Variants in EML1 observed in about 807,000 individuals in gnomAD.
The protein encoded by EML1 is EMAP like 1.
EML1 carries 27 observed loss-of-function variants against 110.4 expected under a neutral mutation model. The ratio of observed to expected loss-of-function variants is 0.24; its 90% confidence interval spans 0.18 to 0.34. The LOEUF (loss-of-function observed/expected upper bound fraction) is 0.34, where lower values mean the gene tolerates loss of function less well. Ranked by LOEUF, EML1 falls within the 10% of genes least tolerant of loss-of-function variation. The pLI, the probability that EML1 is intolerant of heterozygous loss-of-function variation, is 1.00. For synonymous variants in EML1, 344 were observed against 385.8 expected, an observed-to-expected ratio of 0.89 and a Z score of 1.27; for missense variants, 741 against 1,030.9, an observed-to-expected ratio of 0.72 and a Z score of 3.85.
chr14:99,833,013 T>C (rs1308227712), intron 1 of EML1, among the ~76,000 whole-genome samples: 1 of 152,226 alleles, frequency 6.6e-6, no homozygotes, highest in African/African-American at 2.4e-5. Flanking sequence ...GTGAGCATAG[T>C]ACTCAATAAG....
chr14:99,785,558 C>G (rs1566863241), intron 1 of EML1, among the ~76,000 whole-genome samples: 1 of 152,098 alleles, frequency 6.6e-6, no homozygotes, highest in Non-Finnish European at 1.5e-5. Flanking sequence ...GATAAAAGGT[C>G]ATAAGTTTCC....
chr14:99,840,387 C>T (rs1475723432), intron 1 of EML1, among the ~76,000 whole-genome samples: 1 of 152,238 alleles, frequency 6.6e-6, no homozygotes, highest in African/African-American at 2.4e-5. Flanking sequence ...ACAGCTCACC[C>T]TCGGCTGGCC....
At chr14:99,904,086 G>A (rs2059804972) in intron 9 of EML1, among the ~76,000 whole-genome samples, 1 of 151,994 alleles carries the variant, frequency 6.6e-6, no homozygotes, top group African/African-American at 2.4e-5. Context: ...CCTGGCCAAT[G>A]TATTCAATTT....
At chr14:99,840,590 T>G (rs1236087517) in intron 1 of EML1, among the ~76,000 whole-genome samples, 1 of 152,244 alleles carries the variant, frequency 6.6e-6, no homozygotes, top group African/African-American at 2.4e-5. Context: ...TATTATTGTT[T>G]TGGTGCTATC....
At chr14:99,770,282 C>T (rs1798314638), upstream of EML1, among the ~76,000 whole-genome samples, 1 of 152,158 alleles carries the variant, frequency 6.6e-6, no homozygotes, top group Non-Finnish European at 1.5e-5. Flanking sequence ...GGGCTGTCTT[C>T]CTGGTTCACA....
intron 15 of EML1, among the ~76,000 whole-genome samples, chr14:99,916,908 TATCTCTTTCATGG>T (rs1038427828): frequency 2.6e-5 from 4 of 152,362 alleles, no homozygotes; most frequent in South Asian, 2.1e-4. Flanking sequence ...CTCCCCTGTG[TATCTCTTTCATGG>T]ATCTCTTTCA....
At chr14:99,828,907 G>A (rs1413597685) in intron 1 of EML1, among the ~76,000 whole-genome samples, 2 of 152,176 alleles carry the variant, frequency 1.3e-5, no homozygotes, top group African/African-American at 2.4e-5. Context: ...TCGTCTTCAC[G>A]TTGAGTAGGC....
At chr14:99,891,439 C>T (rs1950658167) in intron 5 of EML1, among the ~76,000 whole-genome samples, 1 of 152,210 alleles carries the variant, frequency 6.6e-6, no homozygotes, top group African/African-American at 2.4e-5. Flanking sequence ...GCAAACCCTT[C>T]ACCTACCCTC....
chr14:99,808,261 C>T (rs2139704255), intron 1 of EML1, among the ~76,000 whole-genome samples: 1 of 152,212 alleles, frequency 6.6e-6, no homozygotes, highest in East Asian at 1.9e-4. Flanking sequence ...CCCTGCTCTG[C>T]ACAGTGCCTC....
intron 1 of EML1, among the ~76,000 whole-genome samples, chr14:99,818,747 G>A (rs1367862153): frequency 6.6e-6 from 1 of 152,110 alleles, no homozygotes; most frequent in African/African-American, 2.4e-5. Flanking sequence ...CAGAAGGAGA[G>A]TGTGGACTTG....
rs140038499 is a variant in EML1 at position 99,841,307 on chromosome 14, C to T, written c.68-9546C>T. Among the ~76,000 whole-genome samples, 344 of 152,250 alleles carry T rather than the reference C, an allele frequency of 2.3e-3. 2 individuals are homozygous for T. Among genetic ancestry groups the T allele is most frequent in the African/African-American group, 7.2e-3 (300 of 41,530 alleles). On this transcript the variant is annotated intron_variant, in intron 1 of 21. Coordinates refer to ENST00000262233, the MANE Select transcript of EML1 (RefSeq NM_004434.3). ...TGAAGATCAATGTTTGCTTTTTGCT[C>T]TTATAAACAAAACAGGAATATTCAT...
At chr14:99,753,193 C>T (rs2057197540) in intron 1 of EML1, among the ~76,000 whole-genome samples, 1 of 69,982 alleles carries the variant, frequency 1.4e-5, no homozygotes, top group African/African-American at 4.2e-5. Context: ...ACCCGCACCC[C>T]CCGCCCCCCC....
intron 1 of EML1, among the ~76,000 whole-genome samples, chr14:99,828,365 C>T (rs570751607): frequency 1.7e-4 from 26 of 152,262 alleles, no homozygotes; most frequent in South Asian, 1.0e-3. Flanking sequence ...ACACTGTAGA[C>T]GCCCCTACCC....
At chr14:99,907,444 G>C in intron 9 of EML1, 194 bp from the exon 10 acceptor site, 1 of 601,776 alleles carries the variant, frequency 1.7e-6, no homozygotes, top group Non-Finnish European at 2.9e-6. Flanking sequence ...CTGTGACCTG[G>C]ATGACAGAGC....
At chr14:99,908,162 C>G (rs2059887174) in intron 10 of EML1, among the ~76,000 whole-genome samples, 1 of 152,240 alleles carries the variant, frequency 6.6e-6, no homozygotes, top group Non-Finnish European at 1.5e-5. Context: ...GGGCCGCCAG[C>G]ACGGGGGCTC....
intron 1 of EML1, among the ~76,000 whole-genome samples, chr14:99,846,903 C>T (rs993150090): frequency 2.6e-5 from 4 of 152,074 alleles, no homozygotes; most frequent in Admixed American, 2.6e-4. Flanking sequence ...AGTAGTGAAC[C>T]AACAGAAAAG....
intron 2 of EML1, among the ~76,000 whole-genome samples, chr14:99,851,645 A>G (rs1235505576): frequency 6.6e-6 from 1 of 152,128 alleles, no homozygotes; most frequent in African/African-American, 2.4e-5. Flanking sequence ...GGATGGAGAG[A>G]GCTTGCAGAA....
At chr14:99,864,874 C>T (rs2059067749) in intron 2 of EML1, among the ~76,000 whole-genome samples, 1 of 150,982 alleles carries the variant, frequency 6.6e-6, no homozygotes, top group South Asian at 2.1e-4. Flanking sequence ...TTTGTCAGTG[C>T]TGCTGGTGTT....
At position 99,793,530 on chromosome 14, in the gene EML1, C is replaced by T; in HGVS notation, c.54C>T (p.Leu18=). The change falls in exon 1 of 22, where the codon CTC becomes CTT. Residue 18 remains leucine, a synonymous_variant. Coordinates refer to ENST00000262233, the MANE Select transcript of EML1 (RefSeq NM_004434.3). ...YSSLYDTSSL[L]QFCNDDSASA... is the part of the protein sequence containing the mutation. ...GCCTGTACGACACGTCCTCGCTGCT[C>T]CAGTTCTGCAACGGTGAGGGGCGGC... 1 of 1,042,074 alleles carries T rather than the reference C, an allele frequency of 9.6e-7. No individual in the cohort carries two copies. Among genetic ancestry groups the T allele is most frequent in the Non-Finnish European group, 1.2e-6 (1 of 862,224 alleles). The allele number at this position is 1,042,074 out of a possible 1,614,324, so 64.6% of individuals were successfully genotyped here.
Sources: allele counts gnomAD v4.1 joint callset (sites outside exome capture counted in the v4.1 genomes callset), GRCh38; gene constraint gnomAD v4.1.1; transcripts MANE v1.5; gene names NCBI Gene and HGNC (gene_info 2026-07-23, HGNC 2026-07-21).